The following MYO1B variants were observed in gnomAD, a reference collection of about 807,000 sequenced individuals.
MYO1B encodes the protein myosin IB.
Under a neutral mutation model 159.7 loss-of-function variants are expected in MYO1B, and 72 were observed. That is an observed-to-expected ratio of 0.45 (90% CI 0.37 to 0.55). The LOEUF (loss-of-function observed/expected upper bound fraction) is 0.55. Among genes scored for constraint, MYO1B ranks in the 20% least tolerant of loss-of-function variants. The pLI is 0.00. For missense variants in MYO1B, 1,062 were observed against 1,364.8 expected (o/e 0.78, Z 3.50); for synonymous variants, 468 against 473.8 (o/e 0.99, Z 0.16).
At chr2:191,251,741 C>G (rs1279842723) in intron 1 of MYO1B, among the ~76,000 whole-genome samples, 1 of 152,206 alleles carries the variant, frequency 6.6e-6, no homozygotes, top group Non-Finnish European at 1.5e-5. Flanking sequence ...GACAGTGGAA[C>G]AGATTATTAG....
rs777385680 is a variant in MYO1B, at chr2:191,396,637, ATAT to A, written c.2295+144_2295+146del. Reference sequence around the variant, plus strand: ...GTAAACAGTCAGATGGAAAGAATAAATATTATGGGCCAAACGGGGACCCTGGTG... The same window carrying A: ...GTAAACAGTCAGATGGAAAGAATAAATATGGGCCAAACGGGGACCCTGGTG... On this transcript the variant is annotated intron_variant, in intron 21 of 30. Coordinates refer to ENST00000392318, the MANE Select transcript of MYO1B (RefSeq NM_001130158.3). 247 of 782,000 alleles carry A rather than the reference ATAT, an allele frequency of 3.2e-4. 2 individuals are homozygous for A. The highest frequency in any genetic ancestry group is 9.7e-4 in the Admixed American group (40 of 41,372). The allele number at this position is 782,000 out of a possible 1,614,324, so 48.4% of individuals were successfully genotyped here.
chr2:191,402,015 T>G (rs1696646132), intron 23 of MYO1B: 1 of 152,966 alleles, frequency 6.5e-6, no homozygotes, highest in African/African-American at 2.4e-5. Context: ...TTCCTGTATA[T>G]TTTACTTTTG....
intron 3 of MYO1B, among the ~76,000 whole-genome samples, chr2:191,326,608 ACT>A (rs1333739784): frequency 6.6e-6 from 1 of 152,028 alleles, no homozygotes; most frequent in African/African-American, 2.4e-5. Context: ...TTAAAATTAT[ACT>A]CTCTGTTAGA....
At chr2:191,368,183 T>C (rs981605467) in intron 11 of MYO1B, among the ~76,000 whole-genome samples, 1 of 152,214 alleles carries the variant, frequency 6.6e-6, no homozygotes, top group African/African-American at 2.4e-5. Flanking sequence ...TGTTACATTT[T>C]ATTTAGGAAG....
intron 10 of MYO1B, 25 bp from the exon 11 acceptor site, chr2:191,364,133 G>A (rs770826106): frequency 1.9e-6 from 3 of 1,578,038 alleles, no homozygotes; most frequent in Non-Finnish European, 2.6e-6. Context: ...GTCACTTTTT[G>A]TGTCCATCCC....
At chr2:191,251,021 C>T (rs554908091) in intron 1 of MYO1B, among the ~76,000 whole-genome samples, 1 of 152,250 alleles carries the variant, frequency 6.6e-6, no homozygotes, top group African/African-American at 2.4e-5. Flanking sequence ...TTGGCTGGTC[C>T]AAAGCTAGGA....
chr2:191,406,691 G>C (rs986233395), intron 24 of MYO1B, among the ~76,000 whole-genome samples: 2 of 152,146 alleles, frequency 1.3e-5, no homozygotes, highest in Non-Finnish European at 2.9e-5. Flanking sequence ...TAATGAAAAA[G>C]TTTGAAATAT....
chr2:191,251,490 C>T (rs959457871), intron 1 of MYO1B, among the ~76,000 whole-genome samples: 2 of 152,214 alleles, frequency 1.3e-5, no homozygotes, highest in Admixed American at 6.5e-5. Context: ...TGCAAGGGGC[C>T]TGTCTTTCCT....
intron 3 of MYO1B, among the ~76,000 whole-genome samples, chr2:191,322,746 G>A (rs1169811732): frequency 6.6e-6 from 1 of 152,178 alleles, no homozygotes; most frequent in African/African-American, 2.4e-5. Context: ...TGAAGTAGGA[G>A]AGTTTCTTGT....
At chr2:191,380,999 G>A (rs1305571893) in intron 13 of MYO1B, 2 of 265,060 alleles carry the variant, frequency 7.5e-6, no homozygotes, top group Non-Finnish European at 1.5e-5. Flanking sequence ...TTTACAAAAA[G>A]GGTTAGGATG....
In MYO1B at chr2:191,386,368, A is replaced by C. The variant is rs151138329; in HGVS notation, c.1554+284A>C. 6.3e-4 allele frequency among the ~76,000 whole-genome samples: 96 copies of C among 152,332 alleles called. No homozygotes were observed. In the South Asian group the frequency reaches 8.3e-3, roughly 13 times the overall value. Reference sequence around the variant, plus strand: ...TCAAACTCTAAGCTATCCTATAAAAAATATCTATTAACACTATTGAAGGAG... The same window carrying C: ...TCAAACTCTAAGCTATCCTATAAAACATATCTATTAACACTATTGAAGGAG... On this transcript the variant is annotated intron_variant, in intron 16 of 30. Coordinates refer to ENST00000392318, the MANE Select transcript of MYO1B (RefSeq NM_001130158.3).
chr2:191,402,643 A>G lies in MYO1B; in HGVS notation c.2481A>G (p.Glu827=). Residue 827 remains glutamate (E), a synonymous_variant, in exon 24 of 31, where the codon GAA becomes GAG. Transcript: ENST00000392318. ...CTAAAACATTCTAGGCTCGAAGGGA[A>G]TTGAAACGCTTGAAGGAGGAGGCTA... ...AYWLGSKARR[E]LKRLKEEARR... The G allele has an allele frequency of 6.2e-7, 1 of 1,613,722 alleles. No homozygotes were observed. Among genetic ancestry groups the G allele is most frequent in the African/African-American group, 1.3e-5 (1 of 75,052 alleles).
Position 191,381,546 on chromosome 2 carries a change from C to T in MYO1B, c.1270C>T (p.Gln424Ter). Reference sequence around the variant, plus strand: ...CATTGAACTTACTCTTAAAGAAGAGCAGGAGGAGTATATACGGGAGGTAAT... The same window carrying T: ...CATTGAACTTACTCTTAAAGAAGAGTAGGAGGAGTATATACGGGAGGTAAT... ...IFIELTLKEEQEEYIREDIEW... is the reference protein window; with the variant it reads ...IFIELTLKEE Residue 424 changes from glutamine to a stop codon, truncating the protein, a stop_gained, in exon 14 of 31, where the codon CAG (glutamine) becomes TAG (stop). Coordinates refer to ENST00000392318, the MANE Select transcript of MYO1B (RefSeq NM_001130158.3). LOFTEE classifies it high-confidence loss of function. 1 of 1,611,504 alleles carries T rather than the reference C, an allele frequency of 6.2e-7. No homozygotes were observed. Among genetic ancestry groups the T allele is most frequent in the Non-Finnish European group, 8.5e-7 (1 of 1,178,328 alleles).
chr2:191,342,046 T>A (rs1379781106), intron 5 of MYO1B, among the ~76,000 whole-genome samples: 1 of 152,220 alleles, frequency 6.6e-6, no homozygotes, highest in Non-Finnish European at 1.5e-5. Flanking sequence ...TAGCTTGGGC[T>A]GCCATAACAA....
intron 13 of MYO1B, among the ~76,000 whole-genome samples, chr2:191,373,449 C>G (rs1694504192): frequency 6.6e-6 from 1 of 152,206 alleles, no homozygotes; most frequent in Non-Finnish European, 1.5e-5. Flanking sequence ...TGCTTGGCCA[C>G]TGTATGAAAC....
intron 11 of MYO1B, among the ~76,000 whole-genome samples, chr2:191,367,017 C>T (rs1694055444): frequency 6.6e-6 from 1 of 152,020 alleles, no homozygotes; most frequent in South Asian, 2.1e-4. Flanking sequence ...CGTCCTAGAC[C>T]ATGCCTGTTA....
At chr2:191,302,403 A>G (rs564022886) in intron 3 of MYO1B, among the ~76,000 whole-genome samples, 7 of 152,224 alleles carry the variant, frequency 4.6e-5, no homozygotes, top group Non-Finnish European at 1.0e-4. Context: ...TACCTGTGTT[A>G]TGGCTGAGAG....
At chr2:191,342,047 G>A (rs1692257610) in intron 5 of MYO1B, among the ~76,000 whole-genome samples, 1 of 152,132 alleles carries the variant, frequency 6.6e-6, no homozygotes, top group East Asian at 1.9e-4. Context: ...AGCTTGGGCT[G>A]CCATAACAAA....
At chr2:191,398,415 G>A (rs1354302382) in intron 21 of MYO1B, among the ~76,000 whole-genome samples, 1 of 56,326 alleles carries the variant, frequency 1.8e-5, no homozygotes, top group African/African-American at 3.4e-5. Flanking sequence ...TGGCCGGGCG[G>A]GGGGCTGACC....
Sources: gnomAD v4.1 joint callset for allele counts (sites outside exome capture counted in the v4.1 genomes callset) on GRCh38, gnomAD v4.1.1 for gene constraint, MANE v1.5 for transcripts, NCBI Gene and HGNC (gene_info 2026-07-23, HGNC 2026-07-21) for gene names.